The following EYA1 variants were observed in gnomAD, a reference collection of about 807,000 sequenced individuals.
EYA1 encodes the protein EYA transcriptional coactivator and phosphatase 1.
A neutral mutation model predicts 82.0 loss-of-function variants in EYA1; 16 were observed. The ratio of observed to expected loss-of-function variants is 0.20; its 90% CI spans 0.13 to 0.30. The LOEUF is 0.30. EYA1 is among the 10% of genes least tolerant of loss of function. EYA1 has a pLI of 1.00. For missense variants in EYA1, 633 were observed against 730.7 expected (o/e 0.87, Z 1.54); for synonymous variants, 261 against 264.4 (o/e 0.99, Z 0.12).
chr8:71,201,017 T>C (rs1402335864), intron 17 of EYA1, among the ~76,000 whole-genome samples: 3 of 138,170 alleles, frequency 2.2e-5, no homozygotes, highest in South Asian at 5.1e-4. Flanking sequence ...GTTGGCATAC[T>C]AGATGGGTAT....
chr8:71,297,175 G>A (rs1354027881), intron 9 of EYA1, among the ~76,000 whole-genome samples: 2 of 152,008 alleles, frequency 1.3e-5, no homozygotes, highest in Non-Finnish European at 2.9e-5. Flanking sequence ...TACAATACAA[G>A]CTAAAATACA....
At chr8:71,337,921 A>G (rs891906868) in intron 3 of EYA1, among the ~76,000 whole-genome samples, 1 of 152,226 alleles carries the variant, frequency 6.6e-6, no homozygotes, top group Non-Finnish European at 1.5e-5. Context: ...CAACTTCTGT[A>G]TGCCTCGGCT....
At chr8:71,409,778 C>T (rs1361143195) in intron 2 of EYA1, among the ~76,000 whole-genome samples, 2 of 126,142 alleles carry the variant, frequency 1.6e-5, no homozygotes, top group Non-Finnish European at 3.4e-5. Flanking sequence ...GATTCAGAGC[C>T]GAATTCTACC....
chr8:71,370,863 GA>G (rs1279814876), intron 2 of EYA1, among the ~76,000 whole-genome samples: 1 of 151,882 alleles, frequency 6.6e-6, no homozygotes, highest in Non-Finnish European at 1.5e-5. Flanking sequence ...GAGCTCAAGC[GA>G]TGCTCCCACC....
chr8:71,286,261 C>T (rs1818348023), intron 9 of EYA1, among the ~76,000 whole-genome samples: 1 of 152,186 alleles, frequency 6.6e-6, no homozygotes, highest in African/African-American at 2.4e-5. Flanking sequence ...CACAGAACTG[C>T]TCACTGAGGA....
At chr8:71,383,358 G>T (rs538167487) in intron 2 of EYA1, among the ~76,000 whole-genome samples, 1 of 152,098 alleles carries the variant, frequency 6.6e-6, no homozygotes, top group East Asian at 1.9e-4. Flanking sequence ...TCCTACACAT[G>T]AGTGCAAAGG....
intron 11 of EYA1, among the ~76,000 whole-genome samples, chr8:71,254,534 G>A (rs1814165521): frequency 6.6e-6 from 1 of 151,994 alleles, no homozygotes; most frequent in African/African-American, 2.4e-5. Flanking sequence ...AAAACTACTG[G>A]AGAAAAACAC....
At chr8:71,202,859 C>T (rs1189783507) in intron 17 of EYA1, among the ~76,000 whole-genome samples, 5 of 152,130 alleles carry the variant, frequency 3.3e-5, no homozygotes, top group African/African-American at 9.7e-5. Flanking sequence ...TATAAGAAGA[C>T]AGTCTAGAGG....
At chr8:71,264,959 C>G (rs192498869) in intron 11 of EYA1, among the ~76,000 whole-genome samples, 346 of 152,274 alleles carry the variant, frequency 2.3e-3, no homozygotes, top group Middle Eastern at 0.02. Context: ...AAAATTGAGG[C>G]TCAGTAAGAA....
Position 71,401,029 on chromosome 8 carries a change from C to T in EYA1, c.34-44518G>A, listed in dbSNP as rs570278487. Among the ~76,000 whole-genome samples the T allele has an allele frequency of 1.2e-4, 19 of 152,198 alleles. No homozygotes were observed. The East Asian group carries it at 1.5e-3, about 12-fold the overall frequency. ...GAAGCCATTATCCTCGGCAAACTAA[C>T]GCAGGAACAGAAAACCAAACACTGC... On this transcript the variant is annotated intron_variant, in intron 2 of 18. Coordinates refer to the EYA1 transcript ENST00000643681.
Position 71,271,846 on chromosome 8 carries a change from T to C in EYA1, c.878A>G (p.Asp293Gly). 6.2e-7 allele frequency: 1 copy of C among 1,614,186 alleles called. No individual in the cohort carries two copies. Among genetic ancestry groups the C allele is most frequent in the South Asian group, 1.1e-5 (1 of 91,082 alleles). ...PSTPIKDSDSDRLRRGSDGKS... is the reference protein window; with the variant it reads ...PSTPIKDSDSGRLRRGSDGKS... ...CCCATCTGAACCTCGACGCAATCGA[T>C]CAGAATCTGAATCTTTAATGGGTGT... The change falls in exon 10 of 18, where the codon GAT becomes GGT. Residue 293 changes from aspartate to glycine, a missense_variant. Asp to Gly is a moderately conservative substitution (Grantham distance 94). Transcript: ENST00000340726.
chr8:71,286,797 G>GTTTTTTT (rs141777395), intron 9 of EYA1, among the ~76,000 whole-genome samples: 1 of 112,486 alleles, frequency 8.9e-6, no homozygotes, highest in Non-Finnish European at 1.9e-5. Flanking sequence ...CATATTGGTA[G>GTTTTTTT]TTTTTTTTTT....
At chr8:71,208,410 TGAC>T (rs1808090444) in intron 17 of EYA1, among the ~76,000 whole-genome samples, 1 of 151,938 alleles carries the variant, frequency 6.6e-6, no homozygotes, top group East Asian at 1.9e-4. Flanking sequence ...CCAGCCTGGG[TGAC>T]GGAGACTCTT....
At chr8:71,295,964 G>T (rs1398293608) in intron 9 of EYA1, among the ~76,000 whole-genome samples, 1 of 152,142 alleles carries the variant, frequency 6.6e-6, no homozygotes, top group East Asian at 1.9e-4. Context: ...GCTAGTTGAA[G>T]AGTAGGCATG....
intron 2 of EYA1, among the ~76,000 whole-genome samples, chr8:71,457,416 T>C (rs1002511365): frequency 6.6e-6 from 1 of 152,188 alleles, no homozygotes; most frequent in African/African-American, 2.4e-5. Context: ...ACTGGGTATA[T>C]ACCCAAAGGA....
At chr8:71,456,022 C>T (rs1050698446) in intron 2 of EYA1, among the ~76,000 whole-genome samples, 4 of 152,158 alleles carry the variant, frequency 2.6e-5, no homozygotes, top group Admixed American at 6.5e-5. Context: ...TATCTCAGCC[C>T]AAAATCTCTT....
rs201842682 is a variant in EYA1 at position 71,423,009 on chromosome 8, A to G, written c.34-66498T>C. On this transcript the variant is annotated intron_variant, in intron 2 of 18. Transcript: ENST00000643681. The stretch of plus-strand genomic sequence containing the variant: ...ATTTTAAACTTGGAAACCTGCAGAA[A>G]CTAATCAATGATCACAAAAATAAGA... Among the ~76,000 whole-genome samples the G allele has an allele frequency of 5.9e-5, 9 of 152,322 alleles. No individual in the cohort carries two copies. In the East Asian group the frequency reaches 1.7e-3, roughly 29 times the overall value.
chr8:71,451,943 A>G (rs1807415031), intron 2 of EYA1, among the ~76,000 whole-genome samples: 1 of 152,170 alleles, frequency 6.6e-6, no homozygotes, highest in Admixed American at 6.5e-5. Context: ...GGTGCAGCCC[A>G]CCGAGCTTGA....
At chr8:71,224,274 A>G (rs1226429656) in intron 12 of EYA1, among the ~76,000 whole-genome samples, 2 of 152,234 alleles carry the variant, frequency 1.3e-5, no homozygotes, top group Non-Finnish European at 2.9e-5. Flanking sequence ...TTACCATGAG[A>G]AAACTAACAC....
Sources: allele counts gnomAD v4.1 joint callset (sites outside exome capture counted in the v4.1 genomes callset), GRCh38; gene constraint gnomAD v4.1.1; transcripts MANE v1.5; gene names NCBI Gene and HGNC (gene_info 2026-07-23, HGNC 2026-07-21).